Variants in CBX5 observed in about 807,000 individuals in gnomAD.
CBX5 encodes chromobox protein homolog 5.
In CBX5, 7 loss-of-function variants were observed where a neutral mutation model predicts 20.7. The ratio of observed to expected loss-of-function variants is 0.34; its 90% CI spans 0.19 to 0.63. The LOEUF is 0.63. Ranked by LOEUF, CBX5 falls within the 30% of genes least tolerant of loss-of-function variation. The pLI is 0.75. For synonymous variants in CBX5, 78 were observed against 77.0 expected, an observed-to-expected ratio of 1.01 and a Z score of -0.07; for missense variants, 110 against 224.1, an observed-to-expected ratio of 0.49 and a Z score of 3.25.
In CBX5 at chr12:54,231,282, C is replaced by G. The variant is rs958337335; in HGVS notation, c.*10473G>C. The G allele has an allele frequency of 6.5e-6, 1 of 154,166 alleles. No homozygotes were observed. The highest frequency in any genetic ancestry group is 1.5e-5 in the Non-Finnish European group (1 of 68,060). The allele number at this position is 154,166 out of a possible 1,614,324, so 9.5% of individuals were successfully genotyped here. A position where few individuals can be genotyped will look rare whatever the true frequency, so the allele number is the denominator to read the frequency against. ...GATTTGTTTGCTATTTGGGACAGTA[C>G]AGAGTGCTGAAAGAAACCCAGCTCT... On this transcript the variant is annotated 3_prime_UTR_variant, in exon 5 of 5. Transcript: ENST00000209875.
intron 1 of CBX5, chr12:54,279,200 G>T (rs1944102294): frequency 6.6e-6 from 1 of 152,068 alleles, no homozygotes; most frequent in South Asian, 2.1e-4. Context: ...TTTCTTGAAC[G>T]CCTTTCCATG....
intron 1 of CBX5, chr12:54,272,174 G>C (rs956601916): frequency 6.6e-6 from 1 of 152,192 alleles, no homozygotes; most frequent in Non-Finnish European, 1.5e-5. Context: ...TATGCCCTCT[G>C]GCTCAGATAT....
rs1001387261 is a variant in CBX5 at position 54,238,062 on chromosome 12, C to T, written c.*3693G>A. 2 of 152,158 alleles carry T rather than the reference C, an allele frequency of 1.3e-5. No homozygotes were observed. Among genetic ancestry groups the T allele is most frequent in the African/African-American group, 4.8e-5 (2 of 41,412 alleles). The allele number at this position is 152,158 out of a possible 1,614,324, so 9.4% of individuals were successfully genotyped here. On this transcript the variant is annotated 3_prime_UTR_variant, in exon 5 of 5. Transcript: ENST00000209875. ...AAAATTAGCTGGGCATGGTGGCACA[C>T]ACCTGTAGTCCCAGCTACTCGAGAG...
chr12:54,257,497 G>A lies in CBX5; in HGVS notation c.137+17C>T, dbSNP rs762891296. 2.5e-6 allele frequency: 4 copies of A among 1,613,714 alleles called. No individual in the cohort carries two copies. Among genetic ancestry groups the A allele is most frequent in the South Asian group, 2.2e-5 (2 of 91,070 alleles). ...TCTCTACAGAGTCCCAACGCCTGGG[G>A]GAAAAAAGGAACTTACTCAGAAAAG... On this transcript the variant is annotated intron_variant, in intron 2 of 4. Coordinates refer to ENST00000209875, the MANE Select transcript of CBX5 (RefSeq NM_012117.3).
At chr12:54,261,279 A>G (rs1348467603) in intron 1 of CBX5, among the ~76,000 whole-genome samples, 1 of 151,208 alleles carries the variant, frequency 6.6e-6, no homozygotes, top group African/African-American at 2.4e-5. Context: ...GTGTAAGACC[A>G]AAGTAGAAAT....
intron 1 of CBX5, among the ~76,000 whole-genome samples, chr12:54,261,712 A>G (rs886403141): frequency 6.6e-6 from 1 of 152,184 alleles, no homozygotes; most frequent in East Asian, 1.9e-4. Flanking sequence ...AAGGGATATA[A>G]AAACAATAAC....
chr12:54,268,054 G>C (rs1943974125), intron 1 of CBX5, among the ~76,000 whole-genome samples: 1 of 152,160 alleles, frequency 6.6e-6, no homozygotes, highest in Admixed American at 6.5e-5. Flanking sequence ...TGAGGCAGGA[G>C]AATCGCTTGA....
At position 54,239,430 on chromosome 12, in the gene CBX5, T is replaced by C. The variant is rs1371365382; in HGVS notation, c.*2325A>G. Reference sequence around the variant, plus strand: ...TACTGGGAGGCATACACTGGGCCACTTGGATAGGCTGTCATTTTCTGCAAA... The same window carrying C: ...TACTGGGAGGCATACACTGGGCCACCTGGATAGGCTGTCATTTTCTGCAAA... On this transcript the variant is annotated 3_prime_UTR_variant, in exon 5 of 5. Coordinates refer to ENST00000209875, the MANE Select transcript of CBX5 (RefSeq NM_012117.3). The C allele has an allele frequency of 2.0e-5, 3 of 152,204 alleles. No individual in the cohort carries two copies. Among genetic ancestry groups the C allele is most frequent in the Non-Finnish European group, 4.4e-5 (3 of 68,038 alleles). 9.4% of individuals were successfully genotyped at this position (152,204 alleles called of 1,614,324 possible).
intron 1 of CBX5, among the ~76,000 whole-genome samples, chr12:54,269,770 GT>G (rs565309156): frequency 1.8e-4 from 28 of 152,152 alleles, no homozygotes; most frequent in South Asian, 1.7e-3. Context: ...AGGTTCTGAC[GT>G]TTTCTTCTTT....
chr12:54,247,647 G>C (rs1458789719), intron 3 of CBX5, among the ~76,000 whole-genome samples: 2 of 152,058 alleles, frequency 1.3e-5, no homozygotes, highest in African/African-American at 4.8e-5. Flanking sequence ...TAACACTGAT[G>C]AGAGCCAAAA....
chr12:54,254,512 A>C (rs1565870337), intron 2 of CBX5, among the ~76,000 whole-genome samples: 1 of 151,796 alleles, frequency 6.6e-6, no homozygotes, highest in African/African-American at 2.4e-5. Flanking sequence ...AAATCATTTG[A>C]GCTAATATGG....
chr12:54,235,900 G>T lies in CBX5; in HGVS notation c.*5855C>A, dbSNP rs1158096969. On this transcript the variant is annotated 3_prime_UTR_variant, in exon 5 of 5. Transcript: ENST00000209875. The stretch of plus-strand genomic sequence containing the variant: ...CAACTGAATCTGCAACATAGTTAAT[G>T]CTTTCCACAAGCAAAGATTAACTCT... 2 of 152,174 alleles carry T rather than the reference G, an allele frequency of 1.3e-5. No individual in the cohort carries two copies. The highest frequency in any genetic ancestry group is 2.9e-5 in the Non-Finnish European group (2 of 68,040). The allele number at this position is 152,174 out of a possible 1,614,324, so 9.4% of individuals were successfully genotyped here. A position where few individuals can be genotyped will look rare whatever the true frequency, so the allele number is the denominator to read the frequency against.
chr12:54,264,698 C>A (rs1417877718), intron 1 of CBX5, among the ~76,000 whole-genome samples: 1 of 152,004 alleles, frequency 6.6e-6, no homozygotes, highest in East Asian at 1.9e-4. Flanking sequence ...CAAAAATTAG[C>A]CAGGTGTGGT....
At chr12:54,264,242 A>G (rs1805437760) in intron 1 of CBX5, among the ~76,000 whole-genome samples, 1 of 152,094 alleles carries the variant, frequency 6.6e-6, no homozygotes, top group African/African-American at 2.4e-5. Context: ...TGCAGTCTCA[A>G]ACTCCTGGGC....
chr12:54,260,180 A>AAC (rs1943902963), intron 1 of CBX5, among the ~76,000 whole-genome samples: 1 of 149,184 alleles, frequency 6.7e-6, no homozygotes, highest in Non-Finnish European at 1.5e-5. Flanking sequence ...AAAAAAAAAA[A>AAC]CCCCTTTTAA....
At chr12:54,246,036 C>A in intron 4 of CBX5, 79 bp downstream of exon 4, 1 of 951,684 alleles carries the variant, frequency 1.1e-6, no homozygotes, top group South Asian at 1.3e-5. Context: ...AATATGCAGT[C>A]TTGCCACCCT....
chr12:54,252,036 C>T lies in CBX5; in HGVS notation c.324+5G>A. 6.4e-7 allele frequency: 1 copy of T among 1,559,018 alleles called. No homozygotes were observed. The highest frequency in any genetic ancestry group is 8.6e-7 in the Non-Finnish European group (1 of 1,157,858). On this transcript the variant is annotated splice_donor_5th_base_variant and intron_variant, in intron 3 of 4. Transcript: ENST00000209875. ...GTTTTTGGGGAAAAGGGAAAGGAAG[C>T]TTACCTCTCTCTTTTTTTTAGATTT... is the stretch of plus-strand genomic sequence containing the variant.
chr12:54,261,234 GA>G (rs1943913784), intron 1 of CBX5, among the ~76,000 whole-genome samples: 1 of 150,682 alleles, frequency 6.6e-6, no homozygotes. Context: ...GCACAATGGT[GA>G]CTATTACGAC....
intron 1 of CBX5, chr12:54,272,493 G>T (rs989356546): frequency 6.6e-6 from 1 of 152,168 alleles, no homozygotes; most frequent in African/African-American, 2.4e-5. Flanking sequence ...ACTACTACTG[G>T]AAAGAAAATT....
Sources: gnomAD v4.1 joint callset for allele counts (sites outside exome capture counted in the v4.1 genomes callset) on GRCh38, gnomAD v4.1.1 for gene constraint, MANE v1.5 for transcripts, NCBI Gene and HGNC (gene_info 2026-07-23, HGNC 2026-07-21) for gene names.